NSUN7: variants seen among roughly 807,000 people sequenced by gnomAD.
The protein encoded by NSUN7 is protein NSUN7.
Under a neutral mutation model 58.5 loss-of-function variants are expected in NSUN7, and 39 were observed. That is an observed-to-expected ratio of 0.67 (90% CI 0.52 to 0.87). The LOEUF (loss-of-function observed/expected upper bound fraction) is 0.87. Ranked by LOEUF, NSUN7 falls within the 40% of genes least tolerant of loss-of-function variation. The pLI is 0.00. For missense variants in NSUN7, 765 were observed against 844.1 expected (o/e 0.91, Z 1.16); for synonymous variants, 278 against 303.7 (o/e 0.92, Z 0.88).
At chr4:40,797,859 G>C (rs1025351064) in intron 9 of NSUN7, among the ~76,000 whole-genome samples, 1 of 152,108 alleles carries the variant, frequency 6.6e-6, no homozygotes, top group Admixed American at 6.6e-5. Flanking sequence ...TTCTGACTTC[G>C]ACTTACTACT....
At chr4:40,760,521 G>A (rs1446963786) in intron 3 of NSUN7, 29 bp downstream of exon 3, 12 of 1,504,480 alleles carry the variant, frequency 8.0e-6, no homozygotes, top group South Asian at 3.6e-5. Flanking sequence ...GAATTACATC[G>A]TTTCATGATT....
Position 40,798,778 on chromosome 4 carries a change from CT to C in NSUN7, c.1283-8del, listed in dbSNP as rs533658982. The C allele has an allele frequency of 2.0e-6, 3 of 1,498,354 alleles. No individual in the cohort carries two copies. The highest frequency in any genetic ancestry group is 2.8e-6 in the Non-Finnish European group (3 of 1,079,770). The allele number at this position is 1,498,354 out of a possible 1,614,324, so 92.8% of individuals were successfully genotyped here. On this transcript the variant is annotated splice_polypyrimidine_tract_variant and splice_region_variant and intron_variant, in intron 9 of 11. Transcript: ENST00000381782. ...GTTGTTACAGTCATTGCATCTTCTT[CT>C]AATATAGTTACTAAAGCTCAAGCAG...
intron 10 of NSUN7, among the ~76,000 whole-genome samples, chr4:40,805,876 C>G (rs1289703575): frequency 6.6e-6 from 1 of 151,968 alleles, no homozygotes; most frequent in Non-Finnish European, 1.5e-5. Context: ...GAGTCTTGCT[C>G]TGTCACCCAG....
In NSUN7 at chr4:40,749,984, G is replaced by A. The variant is rs1207905526; in HGVS notation, c.-408G>A. The A allele has an allele frequency of 6.6e-6, 1 of 152,268 alleles. No homozygotes were observed. Among genetic ancestry groups the A allele is most frequent in the Non-Finnish European group, 1.5e-5 (1 of 68,096 alleles). The allele number at this position is 152,268 out of a possible 1,614,324, so 9.4% of individuals were successfully genotyped here. A position where few individuals can be genotyped will look rare whatever the true frequency, so the allele number is the denominator to read the frequency against. ...GACTGCCGGAGACTCGGGAGGCTGA[G>A]CTTTCCTCGGCCTGAGCCAGCCAGA... is the stretch of plus-strand genomic sequence containing the variant. On this transcript the variant is annotated 5_prime_UTR_variant, in exon 1 of 12. Coordinates refer to ENST00000381782, the MANE Select transcript of NSUN7 (RefSeq NM_024677.6).
chr4:40,752,905 T>C (rs567248738), intron 2 of NSUN7, among the ~76,000 whole-genome samples: 1 of 152,380 alleles, frequency 6.6e-6, no homozygotes, highest in East Asian at 1.9e-4. Context: ...CTTCCTCCAG[T>C]TTAATCTCTG....
chr4:40,765,932 G>T (rs1741702993), intron 4 of NSUN7, among the ~76,000 whole-genome samples: 1 of 152,142 alleles, frequency 6.6e-6, no homozygotes, highest in Admixed American at 6.6e-5. Flanking sequence ...CATTGATTTT[G>T]TATCCTGAGA....
chr4:40,758,728 T>C (rs1688594590), intron 2 of NSUN7, among the ~76,000 whole-genome samples: 1 of 151,100 alleles, frequency 6.6e-6, no homozygotes, highest in South Asian at 2.1e-4. Flanking sequence ...AAATAAAAAA[T>C]ACAAAAATTA....
intron 7 of NSUN7, among the ~76,000 whole-genome samples, chr4:40,788,658 CA>C (rs1429294885): frequency 2.0e-5 from 3 of 152,064 alleles, no homozygotes; most frequent in Non-Finnish European, 4.4e-5. Flanking sequence ...TTTCTTCTTC[CA>C]ATGCTTGTTT....
chr4:40,794,368 A>G lies in NSUN7; in HGVS notation c.1181-7A>G. 6.4e-7 allele frequency: 1 copy of G among 1,561,128 alleles called. No individual in the cohort carries two copies. Among genetic ancestry groups the G allele is most frequent in the Non-Finnish European group, 8.8e-7 (1 of 1,138,198 alleles). ...TATATTTAAAAGCATTTCTTTTTAAAATTCAGATACAGAATTCCTTAAAGA... is the reference window on the plus strand; with the variant it reads ...TATATTTAAAAGCATTTCTTTTTAAGATTCAGATACAGAATTCCTTAAAGA... On this transcript the variant is annotated splice_region_variant and splice_polypyrimidine_tract_variant and intron_variant, in intron 8 of 11. Coordinates refer to ENST00000381782, the MANE Select transcript of NSUN7 (RefSeq NM_024677.6).
intron 2 of NSUN7, 56 bp from the exon 3 acceptor site, chr4:40,760,378 G>A: frequency 7.7e-7 from 1 of 1,305,608 alleles, no homozygotes; most frequent in East Asian, 2.3e-5. Flanking sequence ...TTTGATTCCA[G>A]AGTTTTCATT....
chr4:40,772,435 A>G (rs981770565), intron 4 of NSUN7, among the ~76,000 whole-genome samples: 15 of 152,186 alleles, frequency 9.9e-5, no homozygotes, highest in Non-Finnish European at 2.2e-4. Context: ...ATCCACTGCC[A>G]TAGTTCTGTG....
chr4:40,776,135 G>A lies in NSUN7; in HGVS notation c.912G>A (p.Trp304Ter), dbSNP rs1172386650. The change falls in exon 7 of 12, where the codon TGG (tryptophan) becomes TGA (stop). Residue 304 changes from tryptophan to a stop codon, truncating the protein, a stop_gained. Transcript: ENST00000381782. LOFTEE classifies it high-confidence loss of function. Reference protein sequence around the residue: ...DDVLMVNTGSWYTVSHMSILT... With the variant: ...DDVLMVNTGS ...TCTTAATGGTCAATACAGGCTCATG[G>A]TACACAGTTTCCCACATGTCAATTT... 40 of 1,607,872 alleles carry A rather than the reference G, an allele frequency of 2.5e-5. No individual in the cohort carries two copies. The highest frequency in any genetic ancestry group is 3.1e-5 in the Non-Finnish European group (37 of 1,174,924).
At chr4:40,780,809 ATATATTTTTTTTT>A (rs1742518727) in intron 7 of NSUN7, among the ~76,000 whole-genome samples, 1 of 99,428 alleles carries the variant, frequency 1.0e-5, no homozygotes, top group African/African-American at 3.9e-5. Context: ...ATATATATAT[ATATATTTTTTTTT>A]TTTTTTTTTT....
chr4:40,757,619 A>G (rs1006468996), intron 2 of NSUN7, among the ~76,000 whole-genome samples: 8 of 144,708 alleles, frequency 5.5e-5, no homozygotes, highest in South Asian at 4.3e-4. Context: ...CATTGTGTGT[A>G]TATATATATA....
At position 40,774,905 on chromosome 4, in the gene NSUN7, T is replaced by A. The variant is rs781528316; in HGVS notation, c.780T>A (p.Asp260Glu). Residue 260 changes from aspartate (D) to glutamate (E), a missense_variant, in exon 6 of 12, where the codon GAT becomes GAA. Transcript: ENST00000381782. ...TTTTTCCATCTCATCTTAAAAATGA[T>A]CTTATAAATATAGATCTTTTCAAAG... Reference protein sequence around the residue: ...VLIFPSHLKNDLINIDLFKDY... With the variant: ...VLIFPSHLKNELINIDLFKDY... 1 of 1,267,280 alleles carries A rather than the reference T, an allele frequency of 7.9e-7. No homozygotes were observed. The highest frequency in any genetic ancestry group is 2.3e-5 in the East Asian group (1 of 43,082). 78.5% of individuals were successfully genotyped at this position (1,267,280 alleles called of 1,614,324 possible).
At chr4:40,774,702 T>G (rs1166482498) in intron 5 of NSUN7, 65 bp from the exon 6 acceptor site, 3 of 992,676 alleles carry the variant, frequency 3.0e-6, no homozygotes, top group African/African-American at 1.6e-5. Flanking sequence ...GAAAAAGGTG[T>G]TAGTGTTAAG....
chr4:40,795,195 C>G (rs555210598), intron 9 of NSUN7, among the ~76,000 whole-genome samples: 26 of 152,216 alleles, frequency 1.7e-4, no homozygotes, highest in Admixed American at 1.2e-3. Context: ...GGCATAGACC[C>G]CATCTATATT....
chr4:40,772,192 ACACAG>A (rs1158449671), intron 4 of NSUN7, among the ~76,000 whole-genome samples: 1 of 152,206 alleles, frequency 6.6e-6, no homozygotes, highest in Non-Finnish European at 1.5e-5. Context: ...CCTCCCGTAT[ACACAG>A]CACATGTATA....
In NSUN7 at chr4:40,758,426, C is replaced by T. The variant is rs560726146; in HGVS notation, c.299-2008C>T. Among the ~76,000 whole-genome samples, 37 of 152,268 alleles carry T rather than the reference C, an allele frequency of 2.4e-4. No individual in the cohort carries two copies. In the East Asian group the frequency reaches 2.7e-3, roughly 11 times the overall value. ...ATAATTACCTTGTGAAGTACAAGTA[C>T]GTAATTGTGGCTAGAATGTGGATAA... is the stretch of plus-strand genomic sequence containing the variant. On this transcript the variant is annotated intron_variant, in intron 2 of 11. Transcript: ENST00000381782.
Sources: gnomAD v4.1 joint callset for allele counts (sites outside exome capture counted in the v4.1 genomes callset) on GRCh38, gnomAD v4.1.1 for gene constraint, MANE v1.5 for transcripts, NCBI Gene and HGNC (gene_info 2026-07-23, HGNC 2026-07-21) for gene names.